MRPL39: variants seen among roughly 807,000 people sequenced by gnomAD.
The protein encoded by MRPL39 is large ribosomal subunit protein mL39.
MRPL39 carries 35 observed loss-of-function variants against 44.5 expected under a neutral mutation model. The ratio of observed to expected loss-of-function variants is 0.79; its 90% CI spans 0.60 to 1.04. The LOEUF is 1.04. MRPL39 is among the 50% of genes least tolerant of loss of function. The probability of loss-of-function intolerance (pLI) is 0.00; values close to 1 mark genes in which losing one functional copy is unlikely to be tolerated. For missense variants in MRPL39, 433 were observed against 413.5 expected (o/e 1.05, Z -0.41); for synonymous variants, 139 against 136.1 (o/e 1.02, Z -0.15).
intron 8 of MRPL39, among the ~76,000 whole-genome samples, chr21:25,590,472 G>A (rs2031140810): frequency 6.6e-6 from 1 of 152,086 alleles, no homozygotes. Flanking sequence ...TGGACTGCAT[G>A]CAGCCCATGG....
Position 25,606,477 on chromosome 21 carries a change from G to C in MRPL39, c.252C>G (p.Asn84Lys), listed in dbSNP as rs2031672500. 5.0e-6 allele frequency: 8 copies of C among 1,611,828 alleles called. No homozygotes were observed. In the East Asian group the frequency reaches 1.8e-4, roughly 36 times the overall value. The change falls in exon 2 of 10, where the codon AAC (asparagine) becomes AAG (lysine). Residue 84 changes from asparagine (N) to lysine (K), a missense_variant. By Grantham distance (94) the Asn-to-Lys change is moderately conservative. Coordinates refer to ENST00000352957, the MANE Select transcript of MRPL39 (RefSeq NM_017446.4). ...TGGCACAACTGTAGGGAGTTGAAAT[G>C]TTTTTATTCATCACGAAGACAGTAC... is the stretch of plus-strand genomic sequence containing the variant. ...DPGTVFVMNK[N>K]ISTPYSCAMH...
chr21:25,601,560 T>C, intron 3 of MRPL39, 93 bp from the exon 4 acceptor site: 1 of 772,856 alleles, frequency 1.3e-6, no homozygotes, highest in Non-Finnish European at 1.9e-6. Context: ...AACTTCTGAC[T>C]TAGAAAATAT....
intron 2 of MRPL39, 87 bp downstream of exon 2, chr21:25,606,362 G>A (rs2031667244): frequency 1.7e-6 from 2 of 1,211,916 alleles, no homozygotes; most frequent in South Asian, 3.0e-5. Flanking sequence ...ATGACCAGAA[G>A]TAATTACAGC....
chr21:25,607,248 T>C (rs2031709058), intron 1 of MRPL39, among the ~76,000 whole-genome samples, 155 bp downstream of exon 1: 1 of 151,928 alleles, frequency 6.6e-6, no homozygotes, highest in African/African-American at 2.4e-5. Context: ...AAATTAGTCC[T>C]CCCAAGCTGT....
upstream of MRPL39, chr21:25,607,621 T>G: frequency 2.5e-6 from 2 of 792,738 alleles, no homozygotes; most frequent in Non-Finnish European, 3.9e-6. Flanking sequence ...CAGGCCTCGC[T>G]GGGGATTCAG....
At position 25,601,395 on chromosome 21, in the gene MRPL39, T is replaced by C; in HGVS notation, c.493A>G (p.Asn165Asp). The change falls in exon 4 of 10, where the codon AAT becomes GAT. Residue 165 changes from asparagine (N) to aspartate (D), a missense_variant. Coordinates refer to ENST00000352957, the MANE Select transcript of MRPL39 (RefSeq NM_017446.4). ...ERAFKDEYMV[N>D]LVRAPEVPVI... The stretch of plus-strand genomic sequence containing the variant: ...GGAACTTCTGGAGCTCTGACCAAAT[T>C]GACCATATATTCATCTTTGAATGCC... 1 of 1,610,980 alleles carries C rather than the reference T, an allele frequency of 6.2e-7. No homozygotes were observed. Among genetic ancestry groups the C allele is most frequent in the Non-Finnish European group, 8.5e-7 (1 of 1,178,212 alleles).
Position 25,599,840 on chromosome 21 carries a change from C to A in MRPL39, c.547G>T (p.Val183Leu), listed in dbSNP as rs572415920. 2 of 1,613,534 alleles carry A rather than the reference C, an allele frequency of 1.2e-6. No individual in the cohort carries two copies. The highest frequency in any genetic ancestry group is 1.3e-5 in the African/African-American group (1 of 74,896). The change falls in exon 5 of 10, where the codon GTA (valine) becomes TTA (leucine). Residue 183 changes from valine (V) to leucine (L), a missense_variant. Physicochemically the swap from Val to Leu is conservative, Grantham distance 32. Transcript: ENST00000352957. ...TCATCAAGTTTGCTATCCAAAACTA[C>A]GTCATAACAGAAGGCACCAGAAATT... ...PVISGAFCYD[V>L]VLDSKLDEWM...
upstream of MRPL39, among the ~76,000 whole-genome samples, chr21:25,607,755 G>C (rs1010363803): frequency 6.6e-6 from 1 of 152,176 alleles, no homozygotes; most frequent in Non-Finnish European, 1.5e-5. Context: ...CGTAGGCTCT[G>C]CAGGGAAACA....
rs1479541669 is a variant in MRPL39, at chr21:25,601,451, C to G, written c.437G>C (p.Cys146Ser). 1.3e-6 allele frequency: 2 copies of G among 1,590,242 alleles called. No homozygotes were observed. Among genetic ancestry groups the G allele is most frequent in the Non-Finnish European group, 1.7e-6 (2 of 1,167,762 alleles). The change falls in exon 4 of 10, where the codon TGT becomes TCT. Residue 146 changes from cysteine to serine, a missense_variant. Physicochemically the swap from Cys to Ser is moderately radical, Grantham distance 112. Transcript: ENST00000352957. ...TATCACACAGCCCATCATCATAGCACAGGAACGCCAATATGCCTAGAAAAA... is the reference window on the plus strand; with the variant it reads ...TATCACACAGCCCATCATCATAGCAGAGGAACGCCAATATGCCTAGAAAAA... ...GEVNKAYWRS[C>S]AMMMGCVIER...
In MRPL39 at chr21:25,587,758, G is replaced by A. The variant is rs116645811; in HGVS notation, c.969+1077C>T. On this transcript the variant is annotated intron_variant, in intron 9 of 9. Coordinates refer to ENST00000352957, the MANE Select transcript of MRPL39 (RefSeq NM_017446.4). Reference sequence around the variant, plus strand: ...AGGCGAGGTAGTGAAGAATGACTGCGTAGTAAATAGAAGGAGAATGGGAAA... The same window carrying A: ...AGGCGAGGTAGTGAAGAATGACTGCATAGTAAATAGAAGGAGAATGGGAAA... 298 of 1,613,054 alleles carry A rather than the reference G, an allele frequency of 1.8e-4. 5 individuals carry two copies. The South Asian group carries it at 2.7e-3, about 15-fold the overall frequency.
chr21:25,589,440 T>TTG (rs2031104557), intron 8 of MRPL39, among the ~76,000 whole-genome samples: 1 of 133,794 alleles, frequency 7.5e-6, no homozygotes, highest in South Asian at 2.4e-4. Flanking sequence ...TTTTTTGAAA[T>TTG]GGAGTTTCAC....
rs2031726146 is a variant in MRPL39 at position 25,607,462 on chromosome 21, G to C, written c.14C>G (p.Ala5Gly). 5 of 1,612,354 alleles carry C rather than the reference G, an allele frequency of 3.1e-6. No individual in the cohort carries two copies. Among genetic ancestry groups the C allele is most frequent in the Non-Finnish European group, 4.2e-6 (5 of 1,179,938 alleles). ...GAGCCGCAGCGCCCGGGAACCCATG[G>C]CCAGCGCCTCCATAGCAGCGGTGAG... Reference protein sequence around the residue: MEALAMGSRALRLWL... With the variant: MEALGMGSRALRLWL... Residue 5 changes from alanine (A) to glycine (G), a missense_variant, in exon 1 of 10, where the codon GCC becomes GGC. Transcript: ENST00000352957.
intron 3 of MRPL39, among the ~76,000 whole-genome samples, chr21:25,601,784 T>C (rs765194652): frequency 1.3e-5 from 2 of 152,250 alleles, no homozygotes; most frequent in Non-Finnish European, 2.9e-5. Context: ...TAAAGTTAAC[T>C]TGTTAACAAA....
intron 5 of MRPL39, among the ~76,000 whole-genome samples, chr21:25,598,566 T>C (rs2031430285): frequency 6.6e-6 from 1 of 152,038 alleles, no homozygotes; most frequent in Non-Finnish European, 1.5e-5. Context: ...TTTGGAGACA[T>C]ACTTGAAAAG....
chr21:25,597,217 T>C (rs1298322790), intron 6 of MRPL39, 85 bp downstream of exon 6: 2 of 819,988 alleles, frequency 2.4e-6, no homozygotes, highest in Non-Finnish European at 3.9e-6. Flanking sequence ...GTATATCAAA[T>C]ATAAAAATTT....
chr21:25,587,740 G>A lies in MRPL39; in HGVS notation c.969+1095C>T, dbSNP rs767185213. 26 of 1,612,982 alleles carry A rather than the reference G, an allele frequency of 1.6e-5. No homozygotes were observed. The Admixed American group carries it at 2.3e-4, about 14-fold the overall frequency. Reference sequence around the variant, plus strand: ...ATGGAGGAGGTACGACTCAGGCGAGGTAGTGAAGAATGACTGCGTAGTAAA... The same window carrying A: ...ATGGAGGAGGTACGACTCAGGCGAGATAGTGAAGAATGACTGCGTAGTAAA... On this transcript the variant is annotated intron_variant, in intron 9 of 9. Coordinates refer to ENST00000352957, the MANE Select transcript of MRPL39 (RefSeq NM_017446.4).
intron 1 of MRPL39, 37 bp downstream of exon 1, chr21:25,607,366 G>A: frequency 6.2e-7 from 1 of 1,611,588 alleles, no homozygotes; most frequent in Non-Finnish European, 8.5e-7. Flanking sequence ...CCACTATCTA[G>A]GCCTCGCTCC....
At chr21:25,589,935 A>T (rs1453022070) in intron 8 of MRPL39, among the ~76,000 whole-genome samples, 1 of 152,240 alleles carries the variant, frequency 6.6e-6, no homozygotes, top group African/African-American at 2.4e-5. Flanking sequence ...GGCAGGGACC[A>T]GATAATGCAG....
chr21:25,596,693 A>G (rs1188414891), intron 6 of MRPL39, among the ~76,000 whole-genome samples: 1 of 151,832 alleles, frequency 6.6e-6, no homozygotes, highest in East Asian at 1.9e-4. Context: ...TTTTTACAGC[A>G]CAGGTTTCTC....
Sources: allele counts gnomAD v4.1 joint callset (sites outside exome capture counted in the v4.1 genomes callset), GRCh38; gene constraint gnomAD v4.1.1; transcripts MANE v1.5; gene names NCBI Gene and HGNC (gene_info 2026-07-23, HGNC 2026-07-21).